The following NLRP11 variants were observed in gnomAD, a reference collection of about 807,000 sequenced individuals.
The protein encoded by NLRP11 is NLR family pyrin domain containing 11, also known as NACHT, LRR and PYD domains-containing protein 11.
NLRP11 carries 53 observed loss-of-function variants against 79.3 expected under a neutral mutation model. That is an observed-to-expected ratio of 0.67 (90% confidence interval 0.54 to 0.84). NLRP11 has a LOEUF of 0.84. Ranked by LOEUF, NLRP11 falls within the 40% of genes least tolerant of loss-of-function variation. The probability of loss-of-function intolerance (pLI) is 0.00; values close to 1 mark genes in which losing one functional copy is unlikely to be tolerated. For missense variants in NLRP11, 1,264 were observed against 1,255.0 expected, an observed-to-expected ratio of 1.01 and a Z score of -0.11; for synonymous variants, 518 against 462.6, an observed-to-expected ratio of 1.12 and a Z score of -1.54.
chr19:55,828,890 T>C (rs976031153), intron 1 of NLRP11, among the ~76,000 whole-genome samples: 5 of 143,072 alleles, frequency 3.5e-5, no homozygotes, highest in African/African-American at 1.4e-4. Context: ...GAAAAATATG[T>C]AGACAGGAGA....
intron 4 of NLRP11, among the ~76,000 whole-genome samples, chr19:55,804,889 C>A (rs1202131229): frequency 6.6e-6 from 1 of 151,974 alleles, no homozygotes; most frequent in African/African-American, 2.4e-5. Flanking sequence ...ATAGTGAAAC[C>A]CTGTTTCTAT....
intron 2 of NLRP11, 99 bp from the exon 3 acceptor site, chr19:55,810,437 A>T: frequency 9.0e-7 from 1 of 1,106,316 alleles, no homozygotes; most frequent in Non-Finnish European, 1.3e-6. Flanking sequence ...GTAAAAATAT[A>T]GTAGAAATTT....
chr19:55,807,143 C>T (rs1980077207), intron 4 of NLRP11, among the ~76,000 whole-genome samples: 3 of 152,116 alleles, frequency 2.0e-5, no homozygotes, highest in Admixed American at 2.0e-4. Flanking sequence ...ATTGATATAT[C>T]CTAGTGCTTA....
chr19:55,822,161 G>A (rs1981806890), intron 1 of NLRP11, among the ~76,000 whole-genome samples: 1 of 152,162 alleles, frequency 6.6e-6, no homozygotes, highest in African/African-American at 2.4e-5. Context: ...CTATTTGGAA[G>A]GCTGAGACAG....
chr19:55,815,257 G>A (rs867176511), intron 2 of NLRP11, among the ~76,000 whole-genome samples: 46 of 152,240 alleles, frequency 3.0e-4, no homozygotes, highest in Admixed American at 1.9e-3. Flanking sequence ...GGCTGGGCAC[G>A]GTGGCTTATG....
At position 55,823,652 on chromosome 19, in the gene NLRP11, A is replaced by T. The variant is rs1280422264; in HGVS notation, c.-62-5416T>A. 2.0e-5 allele frequency among the ~76,000 whole-genome samples: 3 copies of T among 148,250 alleles called. 1 individual carries two copies. The Admixed American group carries it at 2.1e-4, about 10-fold the overall frequency. On this transcript the variant is annotated intron_variant, in intron 1 of 9. Coordinates refer to ENST00000589093, the Ensembl canonical transcript of NLRP11. ...AGGAGCCGATACGATCAACTGGAAG[A>T]AAGGGTATCAGCAATGGAAGACGAA... is the stretch of plus-strand genomic sequence containing the variant.
At chr19:55,788,972 T>A in exon 9 of NLRP11, 9 of 1,613,930 alleles carry the variant, frequency 5.6e-6, no homozygotes, top group Non-Finnish European at 7.6e-6. Context: ...CATGCACTCT[T>A]CTAGCCTGCA....
At chr19:55,816,146 A>G (rs1792413472) in intron 2 of NLRP11, among the ~76,000 whole-genome samples, 1 of 152,256 alleles carries the variant, frequency 6.6e-6, no homozygotes, top group African/African-American at 2.4e-5. Context: ...ATTCTAAAGA[A>G]GATCTACTGT....
chr19:55,819,117 G>A (rs1431008855), intron 1 of NLRP11, among the ~76,000 whole-genome samples: 1 of 142,578 alleles, frequency 7.0e-6, no homozygotes, highest in Non-Finnish European at 1.5e-5. Flanking sequence ...TGTACTGAGT[G>A]GTATCGCCTA....
chr19:55,786,417 T>C (rs1989882490), intron 9 of NLRP11, among the ~76,000 whole-genome samples: 1 of 152,012 alleles, frequency 6.6e-6, no homozygotes, highest in South Asian at 2.1e-4. Context: ...CCCAGCTATT[T>C]GGGAGGCTGA....
intron 2 of NLRP11, among the ~76,000 whole-genome samples, chr19:55,811,969 G>GCACA (rs1980642908): frequency 1.1e-5 from 1 of 89,796 alleles, no homozygotes; most frequent in South Asian, 3.8e-4. Context: ...TTTCACACAT[G>GCACA]TACACACACA....
intron 1 of NLRP11, among the ~76,000 whole-genome samples, chr19:55,831,722 G>A (rs779599897): frequency 2.1e-4 from 31 of 149,896 alleles, no homozygotes; most frequent in Admixed American, 2.7e-4. Context: ...CACACTACAT[G>A]CAATTTTATC....
chr19:55,831,000 C>A (rs1982707262), intron 1 of NLRP11, among the ~76,000 whole-genome samples: 1 of 151,918 alleles, frequency 6.6e-6, no homozygotes, highest in African/African-American at 2.4e-5. Context: ...AGGTTGGGCC[C>A]AGGAACCAGT....
intron 1 of NLRP11, among the ~76,000 whole-genome samples, chr19:55,822,562 T>G (rs530203248): frequency 1.3e-5 from 2 of 151,740 alleles, no homozygotes; most frequent in East Asian, 3.9e-4. Context: ...GCGCGCACCG[T>G]GCGCGAGCCG....
chr19:55,829,170 A>G (rs541757964), intron 1 of NLRP11, among the ~76,000 whole-genome samples: 259 of 149,452 alleles, frequency 1.7e-3, no homozygotes, highest in African/African-American at 6.0e-3. Flanking sequence ...AGAGCTTTTA[A>G]TATACATACA....
chr19:55,801,841 G>A, intron 4 of NLRP11, 102 bp from the exon 5 acceptor site: 1 of 924,072 alleles, frequency 1.1e-6, no homozygotes, highest in Non-Finnish European at 1.7e-6. Flanking sequence ...AAGATTCTCA[G>A]TGGATTACAT....
At chr19:55,802,950 A>G (rs1162096107) in intron 4 of NLRP11, among the ~76,000 whole-genome samples, 1 of 152,228 alleles carries the variant, frequency 6.6e-6, no homozygotes, top group Admixed American at 6.5e-5. Flanking sequence ...TGCTGGGGTA[A>G]CTGGCTAGTC....
intron 9 of NLRP11, among the ~76,000 whole-genome samples, chr19:55,786,648 T>C (rs1161045847): frequency 6.6e-6 from 1 of 152,202 alleles, no homozygotes; most frequent in Non-Finnish European, 1.5e-5. Context: ...TGCATGTGAG[T>C]GTCCCAATTA....
intron 9 of NLRP11, among the ~76,000 whole-genome samples, chr19:55,787,182 G>T (rs1221038605): frequency 6.6e-6 from 1 of 152,126 alleles, no homozygotes; most frequent in Non-Finnish European, 1.5e-5. Flanking sequence ...TTTAAATAAG[G>T]CAGGTAGAAA....
Sources: gnomAD v4.1 joint callset for allele counts (sites outside exome capture counted in the v4.1 genomes callset) on GRCh38, gnomAD v4.1.1 for gene constraint, MANE v1.5 for transcripts, NCBI Gene and HGNC (gene_info 2026-07-23, HGNC 2026-07-21) for gene names.